Variants in PIK3CD observed in about 807,000 individuals in gnomAD.
PIK3CD encodes phosphatidylinositol-4,5-bisphosphate 3-kinase catalytic subunit delta.
A neutral mutation model predicts 122.9 loss-of-function variants in PIK3CD; 20 were observed. That is an observed-to-expected ratio of 0.16 (90% CI 0.11 to 0.24). The LOEUF (loss-of-function observed/expected upper bound fraction) is 0.24, where lower values mean the gene tolerates loss of function less well. Among genes scored for constraint, PIK3CD ranks in the 10% least tolerant of loss-of-function variants. The pLI, the probability that PIK3CD is intolerant of heterozygous loss-of-function variation, is 1.00. For missense variants in PIK3CD, 787 were observed against 1,406.3 expected (o/e 0.56, Z 7.04); for synonymous variants, 596 against 593.4 (o/e 1.00, Z -0.06).
chr1:9,683,058 G>GTTTT (rs1383089515), intron 1 of PIK3CD, among the ~76,000 whole-genome samples: 5 of 142,852 alleles, frequency 3.5e-5, no homozygotes, highest in African/African-American at 1.1e-4. Flanking sequence ...TTTTTTTTGG[G>GTTTT]GGGCTGGGTC....
intron 6 of PIK3CD, 113 bp from the exon 7 acceptor site, chr1:9,716,846 C>G (rs756182548): frequency 6.5e-5 from 96 of 1,469,868 alleles, no homozygotes; most frequent in Non-Finnish European, 7.6e-5. Context: ...AAGCCCTCCC[C>G]TCTCCCAAGG....
Position 9,703,460 on chromosome 1 carries a change from A to G in PIK3CD, c.-32-6964A>G, listed in dbSNP as rs142407573. On this transcript the variant is annotated intron_variant, in intron 2 of 23. Coordinates refer to ENST00000377346, the MANE Select transcript of PIK3CD (RefSeq NM_005026.5). ...CTCCCAGATTAAAAAAAAAACCAAC[A>G]AAAACGTAAAGTTACTAGCACCCAG... Among the ~76,000 whole-genome samples, 9 of 152,222 alleles carry G rather than the reference A, an allele frequency of 5.9e-5. No homozygotes were observed. The East Asian group carries it at 1.7e-3, about 29-fold the overall frequency.
rs1648994650 is a variant in PIK3CD, at chr1:9,723,375, G to A, written c.2594+83G>A. ...GGGCCTCGCCTGTCAGAACAAAGGA[G>A]CGGGGAGGGGCCTCAGACCATCTTT... On this transcript the variant is annotated intron_variant, in intron 20 of 23. Coordinates refer to ENST00000377346, the MANE Select transcript of PIK3CD (RefSeq NM_005026.5). The surrounding 1 kb of genome is among the most constrained non-coding windows in gnomAD (Gnocchi z 4.9). The A allele has an allele frequency of 2.1e-6, 3 of 1,413,038 alleles. No homozygotes were observed. The highest frequency in any genetic ancestry group is 3.0e-6 in the Non-Finnish European group (3 of 999,128). The allele number at this position is 1,413,038 out of a possible 1,614,324, so 87.5% of individuals were successfully genotyped here.
chr1:9,674,811 T>C (rs112127277), intron 1 of PIK3CD, among the ~76,000 whole-genome samples: 7,832 of 150,660 alleles, frequency 0.052, 502 homozygotes, highest in African/African-American at 0.15. Context: ...GTGGGCAGAT[T>C]GCTTGAACTC....
At chr1:9,680,025 A>G (rs1279903621) in intron 1 of PIK3CD, among the ~76,000 whole-genome samples, 3 of 151,944 alleles carry the variant, frequency 2.0e-5, no homozygotes, top group African/African-American at 7.3e-5. Context: ...GGGTTTCACC[A>G]TGTTGGCCAG....
In PIK3CD at chr1:9,726,932, A is replaced by G; in HGVS notation, c.3021A>G (p.Thr1007=). 6.2e-7 allele frequency: 1 copy of G among 1,613,888 alleles called. No homozygotes were observed. Among genetic ancestry groups the G allele is most frequent in the Non-Finnish European group, 8.5e-7 (1 of 1,179,866 alleles). ...AGGACTCCCTGGCACTGGGGAAAACAGAGGAGGAGGCACTGAAGCACTTCC... is the reference window on the plus strand; with the variant it reads ...AGGACTCCCTGGCACTGGGGAAAACGGAGGAGGAGGCACTGAAGCACTTCC... ...YLKDSLALGK[T]EEEALKHFRV... is the part of the protein sequence containing the mutation. Residue 1007 remains threonine (T), a synonymous_variant, in exon 24 of 24, where the codon ACA becomes ACG. Transcript: ENST00000377346.
chr1:9,725,128 C>T (rs1002676599), intron 23 of PIK3CD, among the ~76,000 whole-genome samples, 192 bp downstream of exon 23: 3 of 152,174 alleles, frequency 2.0e-5, no homozygotes, highest in South Asian at 2.1e-4. Flanking sequence ...AGAGTTGAGC[C>T]GCCCAGGCAT....
In PIK3CD at chr1:9,721,497, A is replaced by C. The variant is rs747518017; in HGVS notation, c.1865A>C (p.Glu622Ala). The change falls in exon 15 of 24, where the codon GAG becomes GCG. Residue 622 changes from glutamate (E) to alanine (A), a missense_variant. Physicochemically the swap from Glu to Ala is moderately radical, Grantham distance 107 (BLOSUM62 -1). Around this residue, in one of 6 missense-constraint regions of PIK3CD, gnomAD observed 592 missense variants for 920.6 expected, o/e 0.64. Transcript: ENST00000377346. ...LLQLVQVLKY[E>A]SYLDCELTKF... The stretch of plus-strand genomic sequence containing the variant: ...CAGCTGGTGCAGGTGCTCAAGTACG[A>C]GTCCTACCTGGACTGCGAGCTGACC... 14 of 1,613,666 alleles carry C rather than the reference A, an allele frequency of 8.7e-6. No individual in the cohort carries two copies. The highest frequency in any genetic ancestry group is 1.2e-5 in the Non-Finnish European group (14 of 1,180,006).
At position 9,713,853 on chromosome 1, in the gene PIK3CD, C is replaced by CTT. The variant is rs59908140; in HGVS notation, c.142-1672_142-1671dup. ...AGCATTTTAGTTTTTTATTTTTATA[C>CTT]TTTTTTTTTTTTTTTTTGAGACAGG... On this transcript the variant is annotated intron_variant, in intron 3 of 23. Coordinates refer to ENST00000377346, the MANE Select transcript of PIK3CD (RefSeq NM_005026.5). 6.6e-3 allele frequency among the ~76,000 whole-genome samples: 869 copies of CTT among 131,726 alleles called. 10 individuals are homozygous for CTT. The highest frequency in any genetic ancestry group is 0.017 in the African/African-American group (595 of 34,652). 86.4% of individuals were successfully genotyped at this position (131,726 alleles called of 152,430 possible).
rs2230735 is a variant in PIK3CD at position 9,716,517 on chromosome 1, A to G, written c.678A>G (p.Thr226=). 0.01 allele frequency: 16,578 copies of G among 1,610,348 alleles called. 574 individuals carry two copies. The African/African-American group carries it at 0.11, about 11-fold the overall frequency. Reference sequence around the variant, plus strand: ...CCTGTGCCCTGCGGAAGAAGGCCACAGTGTTCCGGCAGCCGCTGGTGGAGC... The same window carrying G: ...CCTGTGCCCTGCGGAAGAAGGCCACGGTGTTCCGGCAGCCGCTGGTGGAGC... ...LMACALRKKA[T]VFRQPLVEQP... Residue 226 remains threonine (T), a synonymous_variant, in exon 6 of 24, where the codon ACA becomes ACG. Transcript: ENST00000377346.
chr1:9,678,043 C>A (rs1570169678), intron 1 of PIK3CD, among the ~76,000 whole-genome samples: 1 of 151,626 alleles, frequency 6.6e-6, no homozygotes, highest in East Asian at 1.9e-4. Flanking sequence ...GCTTGGGAGG[C>A]TGAGGCAGGA....
At chr1:9,692,211 C>T (rs552559856) in intron 2 of PIK3CD, among the ~76,000 whole-genome samples, 2 of 152,298 alleles carry the variant, frequency 1.3e-5, no homozygotes, top group East Asian at 1.9e-4. Context: ...TCCATGACTG[C>T]GAGACCTGCC....
chr1:9,629,486 A>G, the PIK3CD span, among the ~76,000 whole-genome samples: 1 of 34,474 alleles, frequency 2.9e-5, no homozygotes, highest in Non-Finnish European at 5.4e-5. Context: ...CACCACGCTC[A>G]GAGGCCTAGA....
At position 9,651,819 on chromosome 1, in the gene PIK3CD, G is replaced by A. The variant is rs1644678715; in HGVS notation, c.-138+17G>A. On this transcript the variant is annotated intron_variant, in intron 1 of 23. Coordinates refer to ENST00000377346, the MANE Select transcript of PIK3CD (RefSeq NM_005026.5). The stretch of plus-strand genomic sequence containing the variant: ...GCCGGGACGGTAAGCGATCGCCGCT[G>A]GCTGCGTCAGGGGAGGTGGGAAGAG... 1 of 152,102 alleles carries A rather than the reference G, an allele frequency of 6.6e-6. No homozygotes were observed. The highest frequency in any genetic ancestry group is 1.5e-5 in the Non-Finnish European group (1 of 68,006). 9.4% of individuals were successfully genotyped at this position (152,102 alleles called of 1,614,324 possible).
Position 9,719,920 on chromosome 1 carries a change from G to T in PIK3CD, c.1243-1G>T, listed in dbSNP as rs1380664173. On this transcript the variant is annotated splice_acceptor_variant, in intron 9 of 23. Transcript: ENST00000377346. LOFTEE classifies it high-confidence loss of function. The surrounding 1 kb of genome is among the most constrained non-coding windows in gnomAD (Gnocchi z 5.5). Reference sequence around the variant, plus strand: ...TCCTCACCTGCCCTGTCCTTCTGCAGGACTGCCCCATTGCCTGGGCCAACC... The same window carrying T: ...TCCTCACCTGCCCTGTCCTTCTGCATGACTGCCCCATTGCCTGGGCCAACC... The T allele has an allele frequency of 6.2e-7, 1 of 1,613,452 alleles. No individual in the cohort carries two copies. Among genetic ancestry groups the T allele is most frequent in the Non-Finnish European group, 8.5e-7 (1 of 1,179,824 alleles).
At position 9,723,973 on chromosome 1, in the gene PIK3CD, G is replaced by T. The variant is rs1371422939; in HGVS notation, c.2599G>T (p.Ala867Ser). The change falls in exon 21 of 24, where the codon GCC becomes TCC. Residue 867 changes from alanine (A) to serine (S), a missense_variant. Physicochemically the swap from Ala to Ser is moderately conservative, Grantham distance 99 (BLOSUM62 1). Coordinates refer to ENST00000377346, the MANE Select transcript of PIK3CD (RefSeq NM_005026.5). The surrounding 1 kb of genome is among the most constrained non-coding windows in gnomAD (Gnocchi z 4.9). ...NWLKSKNPGEALDRAIEEFTL... is the reference protein window; with the variant it reads ...NWLKSKNPGESLDRAIEEFTL... Reference sequence around the variant, plus strand: ...TTTTTAATCTTCCCCACCCAGGGAGGCCCTGGATCGAGCCATTGAGGAGTT... The same window carrying T: ...TTTTTAATCTTCCCCACCCAGGGAGTCCCTGGATCGAGCCATTGAGGAGTT... 1.2e-6 allele frequency: 2 copies of T among 1,614,088 alleles called. No homozygotes were observed. The highest frequency in any genetic ancestry group is 1.7e-6 in the Non-Finnish European group (2 of 1,179,982).
Position 9,728,446 on chromosome 1 carries a change from C to T in PIK3CD, c.*1400C>T, listed in dbSNP as rs1221655891. The T allele has an allele frequency of 6.6e-6, 1 of 152,248 alleles. No homozygotes were observed. The highest frequency in any genetic ancestry group is 1.5e-5 in the Non-Finnish European group (1 of 68,060). 9.4% of individuals were successfully genotyped at this position (152,248 alleles called of 1,614,324 possible). A position where few individuals can be genotyped will look rare whatever the true frequency, so the allele number is the denominator to read the frequency against. ...TGATCCTAACATATCAGGCCATGGACTCAGGACCTGCCCGGTGATGCTGTT... is the reference window on the plus strand; with the variant it reads ...TGATCCTAACATATCAGGCCATGGATTCAGGACCTGCCCGGTGATGCTGTT... On this transcript the variant is annotated 3_prime_UTR_variant, in exon 24 of 24. Coordinates refer to ENST00000377346, the MANE Select transcript of PIK3CD (RefSeq NM_005026.5).
chr1:9,705,940 G>A (rs1022111752), intron 2 of PIK3CD, among the ~76,000 whole-genome samples: 3 of 152,108 alleles, frequency 2.0e-5, no homozygotes, highest in East Asian at 1.9e-4. Context: ...TATACCGATC[G>A]TAGGTTATGC....
chr1:9,726,235 A>G (rs999141211), intron 23 of PIK3CD, among the ~76,000 whole-genome samples: 8 of 152,054 alleles, frequency 5.3e-5, no homozygotes, highest in Middle Eastern at 3.4e-3. Flanking sequence ...TTGGCCGGGC[A>G]CGATGGCTCA....
Sources: allele counts gnomAD v4.1 joint callset (sites outside exome capture counted in the v4.1 genomes callset), GRCh38; gene constraint gnomAD v4.1.1; regional missense constraint gnomAD v4.1.1; non-coding constraint Gnocchi (gnomAD v3.1); transcripts MANE v1.5; gene names NCBI Gene and HGNC (gene_info 2026-07-23, HGNC 2026-07-21).